The following WDFY2 variants were observed in gnomAD, a reference collection of about 807,000 sequenced individuals.
The protein encoded by WDFY2 is WD repeat and FYVE domain containing 2.
Under a neutral mutation model 56.4 loss-of-function variants are expected in WDFY2, and 36 were observed. That is an observed-to-expected ratio of 0.64 (90% CI 0.49 to 0.84). The LOEUF (loss-of-function observed/expected upper bound fraction) is 0.84, where lower values mean the gene tolerates loss of function less well. Ranked by LOEUF, WDFY2 falls within the 40% of genes least tolerant of loss-of-function variation. WDFY2 has a pLI of 0.00. For missense variants in WDFY2, 444 were observed against 512.2 expected (o/e 0.87, Z 1.29); for synonymous variants, 176 against 183.7 (o/e 0.96, Z 0.34).
intron 2 of WDFY2, among the ~76,000 whole-genome samples, chr13:51,674,292 A>G (rs1019446767): frequency 2.6e-5 from 4 of 152,226 alleles, no homozygotes; most frequent in Non-Finnish European, 5.9e-5. Context: ...GCTCTTTAGA[A>G]CAACTATTAA....
chr13:51,650,022 T>C (rs1180305436), intron 1 of WDFY2, among the ~76,000 whole-genome samples: 1 of 152,078 alleles, frequency 6.6e-6, no homozygotes, highest in East Asian at 1.9e-4. Context: ...GTGGCCATTA[T>C]CACGATATTG....
intron 1 of WDFY2, among the ~76,000 whole-genome samples, chr13:51,632,729 A>C (rs986116857): frequency 6.6e-6 from 1 of 152,232 alleles, no homozygotes; most frequent in African/African-American, 2.4e-5. Context: ...TGCAATCTTA[A>C]AAATTTTTAA....
chr13:51,640,005 G>C (rs1198307029), intron 1 of WDFY2, among the ~76,000 whole-genome samples: 1 of 152,092 alleles, frequency 6.6e-6, no homozygotes, highest in African/African-American at 2.4e-5. Context: ...TAGATAATTA[G>C]CCTCAGCTGT....
intron 6 of WDFY2, among the ~76,000 whole-genome samples, chr13:51,733,624 T>C (rs1209901339): frequency 6.6e-6 from 1 of 152,150 alleles, no homozygotes; most frequent in Non-Finnish European, 1.5e-5. Flanking sequence ...GGAGACTGTT[T>C]AGGAGGCTAC....
chr13:51,628,008 C>G (rs976244347), intron 1 of WDFY2, among the ~76,000 whole-genome samples: 2 of 152,174 alleles, frequency 1.3e-5, no homozygotes, highest in African/African-American at 4.8e-5. Flanking sequence ...GAAAAAGCAC[C>G]ATAAGTTCTC....
chr13:51,695,220 G>A (rs1372503215), intron 3 of WDFY2, among the ~76,000 whole-genome samples: 1 of 152,200 alleles, frequency 6.6e-6, no homozygotes, highest in Non-Finnish European at 1.5e-5. Flanking sequence ...TTCCGTTGCT[G>A]GTGAGGAGCT....
Position 51,609,609 on chromosome 13 carries a change from C to A in WDFY2, c.137+24785C>A, listed in dbSNP as rs1347690260. 1.7e-5 allele frequency among the ~76,000 whole-genome samples: 2 copies of A among 118,054 alleles called. 1 individual carries two copies. Among genetic ancestry groups the A allele is most frequent in the African/African-American group, 6.5e-5 (2 of 30,706 alleles). 77.4% of individuals were successfully genotyped at this position (118,054 alleles called of 152,430 possible). A position where few individuals can be genotyped will look rare whatever the true frequency, so the allele number is the denominator to read the frequency against. On this transcript the variant is annotated intron_variant, in intron 1 of 11. Transcript: ENST00000298125. The stretch of plus-strand genomic sequence containing the variant: ...AAACAATAAAAACCCCAACCCCCGC[C>A]CCCCCGCCCTCCCCAAAAAACCAGG...
At chr13:51,595,011 C>CTT (rs1299683008) in intron 1 of WDFY2, among the ~76,000 whole-genome samples, 1 of 152,130 alleles carries the variant, frequency 6.6e-6, no homozygotes, top group African/African-American at 2.4e-5. Flanking sequence ...TTCTGAGCCC[C>CTT]TTTTTTCTTC....
At chr13:51,732,777 A>G (rs970806885) in intron 6 of WDFY2, among the ~76,000 whole-genome samples, 1 of 152,246 alleles carries the variant, frequency 6.6e-6, no homozygotes, top group Non-Finnish European at 1.5e-5. Context: ...ATTGTCATCC[A>G]TAGTCAGTCA....
rs140007085 is a variant in WDFY2, at chr13:51,608,358, A to G, written c.137+23534A>G. The stretch of plus-strand genomic sequence containing the variant: ...TGCATCCTATAGGTTACCACTCTTA[A>G]CATTTTCATATGCATTCATTTCTTC... On this transcript the variant is annotated intron_variant, in intron 1 of 11. Transcript: ENST00000298125. Among the ~76,000 whole-genome samples the G allele has an allele frequency of 1.3e-3, 193 of 152,360 alleles. 2 individuals are homozygous for G. In the East Asian group the frequency reaches 0.03, roughly 23 times the overall value.
chr13:51,629,814 TTTCTTTCTTTTC>T (rs957330900), intron 1 of WDFY2, among the ~76,000 whole-genome samples: 2 of 90,834 alleles, frequency 2.2e-5, no homozygotes, highest in African/African-American at 4.2e-5. Context: ...TTTTCTTTTC[TTTCTTTCTTTTC>T]TTTTTTTTTT....
intron 3 of WDFY2, among the ~76,000 whole-genome samples, chr13:51,676,668 T>G (rs1393779377): frequency 6.6e-6 from 1 of 152,220 alleles, no homozygotes; most frequent in Non-Finnish European, 1.5e-5. Flanking sequence ...ATCAGCCTAG[T>G]GACAAGTATT....
chr13:51,711,270 C>A (rs1952209326), intron 4 of WDFY2, among the ~76,000 whole-genome samples: 1 of 152,170 alleles, frequency 6.6e-6, no homozygotes, highest in Admixed American at 6.5e-5. Flanking sequence ...GTTCCTTACA[C>A]CTTATACAAA....
At chr13:51,681,723 T>C (rs1955979733) in intron 3 of WDFY2, among the ~76,000 whole-genome samples, 1 of 152,100 alleles carries the variant, frequency 6.6e-6, no homozygotes, top group South Asian at 2.1e-4. Context: ...ATACTATAGG[T>C]GTGGAGCTAT....
At chr13:51,732,789 C>T (rs1366621026) in intron 6 of WDFY2, among the ~76,000 whole-genome samples, 1 of 152,186 alleles carries the variant, frequency 6.6e-6, no homozygotes, top group Non-Finnish European at 1.5e-5. Flanking sequence ...AGTCAGTCAT[C>T]CGCTCTCTAT....
intron 8 of WDFY2, among the ~76,000 whole-genome samples, chr13:51,755,121 A>G (rs1388440687): frequency 6.6e-6 from 1 of 152,164 alleles, no homozygotes; most frequent in African/African-American, 2.4e-5. Context: ...GCTTATGTAA[A>G]TAATTATTAA....
At chr13:51,703,528 G>T (rs912093498) in intron 3 of WDFY2, 68 bp from the exon 4 acceptor site, 234 of 1,243,598 alleles carry the variant, frequency 1.9e-4, no homozygotes, top group Non-Finnish European at 2.5e-4. Flanking sequence ...ATTCAGTCTG[G>T]TTTTACCAAA....
At chr13:51,660,509 A>T in intron 1 of WDFY2, 87 bp from the exon 2 acceptor site, 1 of 1,340,550 alleles carries the variant, frequency 7.5e-7, no homozygotes, top group Admixed American at 1.7e-5. Context: ...TCTATATATA[A>T]TATTAAGAGA....
In WDFY2 at chr13:51,675,230, A is replaced by T; in HGVS notation, c.266A>T (p.Asn89Ile). 3 of 1,613,560 alleles carry T rather than the reference A, an allele frequency of 1.9e-6. No individual in the cohort carries two copies. Among genetic ancestry groups the T allele is most frequent in the Non-Finnish European group, 2.5e-6 (3 of 1,179,514 alleles). ...AGAAGACTGTCCATAGGTCTAGACA[A>T]TGGTACAATCTCAGTAAGTACACAT... ...ETRRLSIGLDNGTISEFILSE... is the reference protein window; with the variant it reads ...ETRRLSIGLDIGTISEFILSE... The change falls in exon 3 of 12, where the codon AAT (asparagine) becomes ATT (isoleucine). Residue 89 changes from asparagine (N) to isoleucine (I), a missense_variant. By Grantham distance (149) the Asn-to-Ile change is moderately radical. Transcript: ENST00000298125.
Sources: gnomAD v4.1 joint callset for allele counts (sites outside exome capture counted in the v4.1 genomes callset) on GRCh38, gnomAD v4.1.1 for gene constraint, MANE v1.5 for transcripts, NCBI Gene and HGNC (gene_info 2026-07-23, HGNC 2026-07-21) for gene names.